ARAP2: variants seen among roughly 807,000 people sequenced by gnomAD.
ARAP2 encodes ArfGAP with RhoGAP domain, ankyrin repeat and PH domain 2.
Under a neutral mutation model 194.5 loss-of-function variants are expected in ARAP2, and 148 were observed. The ratio of observed to expected loss-of-function variants is 0.76; its 90% CI spans 0.67 to 0.87. The LOEUF (loss-of-function observed/expected upper bound fraction) is 0.87. ARAP2 is among the 40% of genes least tolerant of loss of function. The pLI, the probability that ARAP2 is intolerant of heterozygous loss-of-function variation, is 0.00. For missense variants in ARAP2, 2,128 were observed against 1,989.7 expected (o/e 1.07, Z -1.32); for synonymous variants, 695 against 683.5 (o/e 1.02, Z -0.26).
chr4:36,091,893 G>A lies in ARAP2; in HGVS notation c.4413C>T (p.Tyr1471=). 2 of 1,603,478 alleles carry A rather than the reference G, an allele frequency of 1.2e-6. No individual in the cohort carries two copies. The highest frequency in any genetic ancestry group is 2.2e-5 in the South Asian group (2 of 90,210). Residue 1471 remains tyrosine (Y), a synonymous_variant, in exon 28 of 33, where the codon TAC becomes TAT. Transcript: ENST00000303965. ...TCAAATACTATACCTTCACATCCTTGTAAAGAAAGAGAAACCCATCTCGTA... is the reference window on the plus strand; with the variant it reads ...TCAAATACTATACCTTCACATCCTTATAAAGAAAGAGAAACCCATCTCGTA... ...FVLRDGFLFL[Y]KDVKSSKHDK...
chr4:36,070,427 C>T (rs757381508), intron 32 of ARAP2, among the ~76,000 whole-genome samples: 2 of 152,180 alleles, frequency 1.3e-5, no homozygotes, highest in South Asian at 2.1e-4. Flanking sequence ...CAAGAGATGG[C>T]TTGCTATAGG....
In ARAP2 at chr4:36,107,697, T is replaced by TA. The variant is rs765167650; in HGVS notation, c.4157-5dup. 1.3e-5 allele frequency: 21 copies of TA among 1,584,014 alleles called. No individual in the cohort carries two copies. In the South Asian group the frequency reaches 2.2e-4, roughly 17 times the overall value. ...TCCTTGTAGTGAAGAGGACGCTCTG[T>TA]AAAAAATAAATTCCAAATCAAATGG... On this transcript the variant is annotated splice_region_variant and splice_polypyrimidine_tract_variant and intron_variant, in intron 26 of 32. Coordinates refer to ENST00000303965, the MANE Select transcript of ARAP2 (RefSeq NM_015230.4).
intron 27 of ARAP2, among the ~76,000 whole-genome samples, chr4:36,106,336 G>A (rs745686340): frequency 2.6e-5 from 4 of 151,962 alleles, no homozygotes; most frequent in South Asian, 2.1e-4. Context: ...TAAAGGTCTC[G>A]GAAAGGCTAC....
intron 16 of ARAP2, among the ~76,000 whole-genome samples, 188 bp from the exon 17 acceptor site, chr4:36,148,695 C>A (rs1183785971): frequency 2.6e-5 from 4 of 152,120 alleles, no homozygotes; most frequent in African/African-American, 7.2e-5. Flanking sequence ...CTGGATTGGA[C>A]AAAAGGAATA....
intron 27 of ARAP2, among the ~76,000 whole-genome samples, chr4:36,093,541 T>G (rs1714342622): frequency 6.6e-6 from 1 of 152,126 alleles, no homozygotes; most frequent in South Asian, 2.1e-4. Context: ...TATGTTCATT[T>G]TACACACGAT....
chr4:36,166,343 T>G, intron 10 of ARAP2, among the ~76,000 whole-genome samples: 1 of 152,102 alleles, frequency 6.6e-6, no homozygotes. Context: ...GTCATTTTAG[T>G]TTATTAAACC....
chr4:36,158,644 CA>C (rs1422972391), intron 15 of ARAP2, 85 bp downstream of exon 15: 117 of 1,211,804 alleles, frequency 9.7e-5, no homozygotes, highest in Non-Finnish European at 1.2e-4. Context: ...TCTAACATCT[CA>C]AAAAAATCAA....
intron 1 of ARAP2, among the ~76,000 whole-genome samples, chr4:36,235,486 A>G (rs1488023312): frequency 6.6e-6 from 1 of 152,146 alleles, no homozygotes; most frequent in Admixed American, 6.5e-5. Context: ...CCCTCTTCAG[A>G]TAGGTGATCC....
chr4:36,092,078 A>G, intron 27 of ARAP2, 58 bp from the exon 28 acceptor site: 1 of 1,456,612 alleles, frequency 6.9e-7, no homozygotes, highest in Non-Finnish European at 9.2e-7. Flanking sequence ...TTTGAAATAC[A>G]ATACAAAACA....
chr4:36,031,450 T>C (rs1254125019), intron 5 of ARAP2, among the ~76,000 whole-genome samples: 2 of 152,212 alleles, frequency 1.3e-5, no homozygotes, highest in Non-Finnish European at 2.9e-5. Context: ...GGTATTTCTT[T>C]TGTTGTGTTG....
At chr4:36,073,627 C>T (rs143307187) in intron 32 of ARAP2, 62 bp downstream of exon 32, 45 of 1,562,316 alleles carry the variant, frequency 2.9e-5, no homozygotes, top group African/African-American at 4.1e-5. Context: ...GACCTAATCA[C>T]ATTATGACAC....
At chr4:36,197,905 T>C (rs1743479749) in intron 6 of ARAP2, among the ~76,000 whole-genome samples, 1 of 152,062 alleles carries the variant, frequency 6.6e-6, no homozygotes, top group African/African-American at 2.4e-5. Flanking sequence ...GTCACAGCCC[T>C]GCCTCAGGGA....
intron 2 of ARAP2, among the ~76,000 whole-genome samples, chr4:36,216,861 G>A (rs1222409434): frequency 6.6e-6 from 1 of 152,188 alleles, no homozygotes; most frequent in African/African-American, 2.4e-5. Context: ...TGAGAAATAG[G>A]TTGTTAGGCA....
At chr4:36,069,385 A>T (rs1235779254) in intron 32 of ARAP2, among the ~76,000 whole-genome samples, 1 of 152,192 alleles carries the variant, frequency 6.6e-6, no homozygotes, top group African/African-American at 2.4e-5. Context: ...AGAATATGTT[A>T]AAATACTAAG....
chr4:36,062,670 C>G (rs931933210), downstream of ARAP2, among the ~76,000 whole-genome samples: 1 of 144,210 alleles, frequency 6.9e-6, no homozygotes, highest in Admixed American at 6.9e-5. Context: ...GTGTATAAAA[C>G]AGTTGTTGAA....
intron 6 of ARAP2, among the ~76,000 whole-genome samples, chr4:36,199,806 A>G (rs1232854353): frequency 1.3e-5 from 2 of 152,220 alleles, no homozygotes; most frequent in African/African-American, 4.8e-5. Flanking sequence ...TACACCTGAA[A>G]TTTGCTAAGA....
rs1459338069 is a variant in ARAP2 at position 36,187,440 on chromosome 4, A to T, written c.1678+11T>A. The T allele has an allele frequency of 1.5e-6, 2 of 1,365,622 alleles. No homozygotes were observed. The highest frequency in any genetic ancestry group is 2.0e-6 in the Non-Finnish European group (2 of 1,007,800). The allele number at this position is 1,365,622 out of a possible 1,614,324, so 84.6% of individuals were successfully genotyped here. On this transcript the variant is annotated intron_variant, in intron 8 of 32. Transcript: ENST00000303965. Reference sequence around the variant, plus strand: ...TTAATGTATTTCATATGGATAAATAAATAATCTCACCTTCTTTTTCTACTC... The same window carrying T: ...TTAATGTATTTCATATGGATAAATATATAATCTCACCTTCTTTTTCTACTC...
intron 7 of ARAP2, among the ~76,000 whole-genome samples, chr4:36,191,765 G>A (rs908863540): frequency 1.3e-5 from 2 of 152,014 alleles, no homozygotes; most frequent in African/African-American, 4.8e-5. Flanking sequence ...CTACCAATTT[G>A]AGACAATGAA....
intron 19 of ARAP2, among the ~76,000 whole-genome samples, chr4:36,142,445 T>G (rs1724336556): frequency 6.6e-6 from 1 of 151,426 alleles, no homozygotes; most frequent in Non-Finnish European, 1.5e-5. Context: ...CAGATATCTT[T>G]GACAAAGTGA....
Sources: gnomAD v4.1 joint callset for allele counts (sites outside exome capture counted in the v4.1 genomes callset) on GRCh38, gnomAD v4.1.1 for gene constraint, MANE v1.5 for transcripts, NCBI Gene and HGNC (gene_info 2026-07-23, HGNC 2026-07-21) for gene names.